BAZ1A: variants seen among roughly 807,000 people sequenced by gnomAD.
The protein encoded by BAZ1A is bromodomain adjacent to zinc finger domain protein 1A.
A neutral mutation model predicts 185.2 loss-of-function variants in BAZ1A; 50 were observed. The observed-to-expected ratio is 0.27, with a 90% CI of 0.22 to 0.34. The LOEUF is 0.34. Among genes scored for constraint, BAZ1A ranks in the 10% least tolerant of loss-of-function variants. The pLI is 1.00. For synonymous variants in BAZ1A, 571 were observed against 615.6 expected (o/e 0.93, Z 1.07); for missense variants, 1,356 against 1,839.9 (o/e 0.74, Z 4.81).
chr14:34,832,191 T>TATACACACACACACACAC (rs1555343240), intron 3 of BAZ1A, among the ~76,000 whole-genome samples: 1 of 96,560 alleles, frequency 1.0e-5, no homozygotes. Context: ...TATATACATA[T>TATACACACACACACACAC]ACACACACAC....
Position 34,874,610 on chromosome 14 carries a change from G to T in BAZ1A, c.-6C>A. 1.9e-6 allele frequency: 3 copies of T among 1,601,668 alleles called. No homozygotes were observed. Among genetic ancestry groups the T allele is most frequent in the Non-Finnish European group, 2.6e-6 (3 of 1,173,916 alleles). On this transcript the variant is annotated 5_prime_UTR_variant, in exon 2 of 27. Transcript: ENST00000360310. The surrounding 1 kb of genome is among the most constrained non-coding windows in gnomAD (Gnocchi z 4.7). ...TTTCGGTGTAGCAGCGGCATCTCCC[G>T]TCCGCCCGCGGGCTCGCCTGGACCC...
intron 3 of BAZ1A, among the ~76,000 whole-genome samples, chr14:34,831,080 TG>T (rs1347927334): frequency 6.6e-6 from 1 of 152,144 alleles, no homozygotes; most frequent in Non-Finnish European, 1.5e-5. Flanking sequence ...TGAGAAAAAG[TG>T]GTTCAAGATT....
intron 2 of BAZ1A, among the ~76,000 whole-genome samples, chr14:34,869,403 AAGTT>A (rs2042917369): frequency 6.6e-6 from 1 of 152,174 alleles, no homozygotes; most frequent in South Asian, 2.1e-4. Flanking sequence ...TCAAGAGAGA[AAGTT>A]AGACATTTGG....
chr14:34,864,451 A>T (rs1179098769), intron 2 of BAZ1A, among the ~76,000 whole-genome samples: 2 of 147,754 alleles, frequency 1.4e-5, no homozygotes, highest in Non-Finnish European at 3.0e-5. Context: ...TCCTGTTTAA[A>T]TTTTTTTAAT....
chr14:34,773,502 CCAA>C, intron 20 of BAZ1A, 67 bp downstream of exon 20: 1 of 1,252,382 alleles, frequency 8.0e-7, no homozygotes. Context: ...TACTTAAAAA[CCAA>C]AAAAAAAAAA....
chr14:34,786,391 G>C, intron 12 of BAZ1A, 170 bp from the exon 13 acceptor site: 2 of 579,368 alleles, frequency 3.5e-6, no homozygotes, highest in Admixed American at 3.5e-5. Flanking sequence ...ACCACCTACA[G>C]CTATAAATCC....
intron 4 of BAZ1A, among the ~76,000 whole-genome samples, chr14:34,824,246 C>T (rs1272369075): frequency 7.1e-6 from 1 of 141,158 alleles, no homozygotes; most frequent in Non-Finnish European, 1.5e-5. Context: ...TGGTAGCACG[C>T]ACCTGTAGTC....
intron 13 of BAZ1A, 48 bp from the exon 14 acceptor site, chr14:34,786,049 T>C (rs1220147359): frequency 3.8e-6 from 6 of 1,587,780 alleles, no homozygotes; most frequent in Non-Finnish European, 5.1e-6. Flanking sequence ...AAACAATAAA[T>C]ACTCAGCAAT....
intron 4 of BAZ1A, among the ~76,000 whole-genome samples, chr14:34,816,015 T>C (rs2042000302): frequency 6.6e-6 from 1 of 151,628 alleles, no homozygotes; most frequent in African/African-American, 2.4e-5. Flanking sequence ...CAAGTTATAA[T>C]GACGGCTAGA....
chr14:34,782,128 T>C (rs114611841), intron 16 of BAZ1A, among the ~76,000 whole-genome samples: 3,023 of 152,340 alleles, frequency 0.02, 39 homozygotes, highest in South Asian at 0.039. Context: ...AATGGTTTAA[T>C]TGTTTGAAGA....
chr14:34,783,637 G>A (rs1880202559), intron 15 of BAZ1A, 125 bp downstream of exon 15: 1 of 1,275,492 alleles, frequency 7.8e-7, no homozygotes, highest in Non-Finnish European at 1.1e-6. Context: ...TCATTCACAA[G>A]CTCTTAGTAA....
chr14:34,778,020 C>G (rs1032241381), intron 17 of BAZ1A, among the ~76,000 whole-genome samples: 12 of 152,114 alleles, frequency 7.9e-5, no homozygotes, highest in Admixed American at 6.5e-4. Flanking sequence ...AAAATGGGGC[C>G]GGCCAGATTT....
intron 21 of BAZ1A, among the ~76,000 whole-genome samples, chr14:34,770,680 T>C (rs1879153652): frequency 6.6e-6 from 1 of 152,122 alleles, no homozygotes; most frequent in South Asian, 2.1e-4. Context: ...CCCAAAAACA[T>C]AATGGTTAGG....
Position 34,874,611 on chromosome 14 carries a change from T to C in BAZ1A, c.-7A>G, listed in dbSNP as rs1218580709. The C allele has an allele frequency of 3.7e-6, 6 of 1,600,674 alleles. No homozygotes were observed. The highest frequency in any genetic ancestry group is 2.2e-5 in the South Asian group (2 of 90,468). On this transcript the variant is annotated 5_prime_UTR_variant, in exon 2 of 27. Transcript: ENST00000360310. The surrounding 1 kb of genome is among the most constrained non-coding windows in gnomAD (Gnocchi z 4.7). The stretch of plus-strand genomic sequence containing the variant: ...TTCGGTGTAGCAGCGGCATCTCCCG[T>C]CCGCCCGCGGGCTCGCCTGGACCCT...
intron 4 of BAZ1A, among the ~76,000 whole-genome samples, chr14:34,818,597 T>G (rs2042039599): frequency 6.6e-6 from 1 of 152,204 alleles, no homozygotes; most frequent in Non-Finnish European, 1.5e-5. Context: ...GGTATCCTCC[T>G]GTGGTTTGAA....
At chr14:34,786,835 T>C (rs1880491202) in intron 12 of BAZ1A, among the ~76,000 whole-genome samples, 1 of 151,810 alleles carries the variant, frequency 6.6e-6, no homozygotes, top group Admixed American at 6.6e-5. Context: ...CTCGAACTCC[T>C]GACCTCAGGT....
At chr14:34,797,334 C>T (rs1881251626) in intron 9 of BAZ1A, among the ~76,000 whole-genome samples, 1 of 151,958 alleles carries the variant, frequency 6.6e-6, no homozygotes, top group South Asian at 2.1e-4. Context: ...TCGAGGCGGG[C>T]AGATCACTTG....
At chr14:34,785,577 C>A (rs1023988535) in intron 14 of BAZ1A, among the ~76,000 whole-genome samples, 200 bp downstream of exon 14, 1 of 152,124 alleles carries the variant, frequency 6.6e-6, no homozygotes, top group Non-Finnish European at 1.5e-5. Context: ...GTAGACTAAT[C>A]ATACGTTTAA....
intron 16 of BAZ1A, among the ~76,000 whole-genome samples, chr14:34,780,883 T>C (rs983686695): frequency 7.3e-5 from 11 of 151,676 alleles, no homozygotes; most frequent in African/African-American, 2.2e-4. Flanking sequence ...GGAAAGAAAG[T>C]AGATGAGGGG....
Sources: gnomAD v4.1 joint callset for allele counts (sites outside exome capture counted in the v4.1 genomes callset) on GRCh38, gnomAD v4.1.1 for gene constraint, Gnocchi (gnomAD v3.1) non-coding constraint, MANE v1.5 for transcripts, NCBI Gene and HGNC (gene_info 2026-07-23, HGNC 2026-07-21) for gene names.